TMEM117: variants seen among roughly 807,000 people sequenced by gnomAD.
TMEM117 encodes the protein transmembrane protein 117.
TMEM117 carries 27 observed loss-of-function variants against 52.4 expected under a neutral mutation model. The ratio of observed to expected loss-of-function variants is 0.51; its 90% CI spans 0.38 to 0.71. TMEM117 has a LOEUF of 0.71. TMEM117 is among the 30% of genes least tolerant of loss of function. The pLI, the probability that TMEM117 is intolerant of heterozygous loss-of-function variation, is 0.00. For synonymous variants in TMEM117, 215 were observed against 206.3 expected, an observed-to-expected ratio of 1.04 and a Z score of -0.36; for missense variants, 556 against 630.5, an observed-to-expected ratio of 0.88 and a Z score of 1.26.
chr12:43,975,134 A>T (rs1945652034), intron 3 of TMEM117, among the ~76,000 whole-genome samples: 1 of 152,158 alleles, frequency 6.6e-6, no homozygotes. Flanking sequence ...TTTGTCTTTA[A>T]GTTGTCACTA....
intron 5 of TMEM117, among the ~76,000 whole-genome samples, chr12:44,275,831 G>C (rs79931431): frequency 6.6e-6 from 1 of 151,916 alleles, no homozygotes; most frequent in African/African-American, 2.4e-5. Flanking sequence ...GGTGGGAATG[G>C]TTAATGGGTA....
intron 1 of TMEM117, among the ~76,000 whole-genome samples, chr12:43,842,217 G>A (rs1211015671): frequency 6.6e-6 from 1 of 152,074 alleles, no homozygotes; most frequent in Admixed American, 6.6e-5. Context: ...TGCTCTCTTT[G>A]ATGTGAGAGT....
intron 5 of TMEM117, among the ~76,000 whole-genome samples, chr12:44,228,971 G>C (rs948240338): frequency 1.3e-5 from 2 of 152,144 alleles, no homozygotes; most frequent in African/African-American, 4.8e-5. Context: ...ACAATAAACA[G>C]GGATCTGGGC....
chr12:43,821,947 T>G, the TMEM117 span, among the ~76,000 whole-genome samples: 3 of 152,254 alleles, frequency 2.0e-5, no homozygotes, highest in African/African-American at 4.8e-5. Flanking sequence ...AACACTATGT[T>G]GGGTGACCTA....
At chr12:44,020,017 C>T (rs1946432628) in intron 3 of TMEM117, among the ~76,000 whole-genome samples, 1 of 152,150 alleles carries the variant, frequency 6.6e-6, no homozygotes, top group Non-Finnish European at 1.5e-5. Context: ...CTCTGTGTAG[C>T]ATAGGGAATG....
intron 2 of TMEM117, among the ~76,000 whole-genome samples, chr12:43,869,265 T>C (rs1943663625): frequency 6.6e-6 from 1 of 152,194 alleles, no homozygotes; most frequent in South Asian, 2.1e-4. Flanking sequence ...TGGGGACTTG[T>C]AGCTGCCATC....
At chr12:43,961,756 A>G (rs1007903667) in intron 3 of TMEM117, among the ~76,000 whole-genome samples, 10 of 152,196 alleles carry the variant, frequency 6.6e-5, no homozygotes, top group Non-Finnish European at 1.3e-4. Context: ...TTCGTTATCT[A>G]GAGCCCATAC....
intron 5 of TMEM117, among the ~76,000 whole-genome samples, chr12:44,233,891 C>T (rs1282662122): frequency 6.6e-6 from 1 of 151,364 alleles, no homozygotes; most frequent in East Asian, 1.9e-4. Context: ...ATTAACAGTG[C>T]ATTTATGAAC....
intron 5 of TMEM117, among the ~76,000 whole-genome samples, chr12:44,211,727 A>AT (rs1949647716): frequency 6.6e-6 from 1 of 152,194 alleles, no homozygotes; most frequent in Non-Finnish European, 1.5e-5. Context: ...TGCCTAGTAT[A>AT]TTTGACAGGA....
At position 43,961,339 on chromosome 12, in the gene TMEM117, C is replaced by T. The variant is rs1032249005; in HGVS notation, c.410+16997C>T. On this transcript the variant is annotated intron_variant, in intron 3 of 7. Transcript: ENST00000266534. ...CTAATTTATGGCAATAATATTATTACGTTATCATGCAATTGTAATAGTTAT... is the reference window on the plus strand; with the variant it reads ...CTAATTTATGGCAATAATATTATTATGTTATCATGCAATTGTAATAGTTAT... 1.4e-4 allele frequency among the ~76,000 whole-genome samples: 22 copies of T among 152,178 alleles called. No individual in the cohort carries two copies. The East Asian group carries it at 2.7e-3, about 19-fold the overall frequency.
chr12:44,226,242 T>C (rs1195251402), intron 5 of TMEM117, among the ~76,000 whole-genome samples: 3 of 152,168 alleles, frequency 2.0e-5, no homozygotes, highest in Non-Finnish European at 1.5e-5. Context: ...TCTGTTCAGG[T>C]CTCATGGCCA....
chr12:44,015,644 G>A (rs1946363010), intron 3 of TMEM117, among the ~76,000 whole-genome samples: 1 of 152,154 alleles, frequency 6.6e-6, no homozygotes, highest in Non-Finnish European at 1.5e-5. Flanking sequence ...GTCCAAAAAT[G>A]TGCTTATAAA....
intron 2 of TMEM117, among the ~76,000 whole-genome samples, chr12:43,894,109 C>T (rs1352386033): frequency 6.6e-6 from 1 of 152,140 alleles, no homozygotes; most frequent in Admixed American, 6.5e-5. Context: ...AATCACAGGC[C>T]AGCTCAGATT....
intron 4 of TMEM117, among the ~76,000 whole-genome samples, chr12:44,201,898 A>T (rs932336655): frequency 6.6e-6 from 1 of 152,152 alleles, no homozygotes; most frequent in Admixed American, 6.5e-5. Flanking sequence ...ATAGTGTAAG[A>T]AAGTAAAATA....
intron 3 of TMEM117, among the ~76,000 whole-genome samples, chr12:43,956,941 G>A (rs771956681): frequency 6.6e-6 from 1 of 152,006 alleles, no homozygotes; most frequent in Non-Finnish European, 1.5e-5. Context: ...AAGAAAATGT[G>A]GTACATACAC....
At chr12:44,341,151 C>T (rs1388837072) in intron 6 of TMEM117, among the ~76,000 whole-genome samples, 1 of 151,976 alleles carries the variant, frequency 6.6e-6, no homozygotes, top group Non-Finnish European at 1.5e-5. Flanking sequence ...AGATACACAC[C>T]ACCATGCCCA....
intron 6 of TMEM117, among the ~76,000 whole-genome samples, chr12:44,360,605 T>C (rs1951708742): frequency 1.3e-5 from 2 of 151,910 alleles, no homozygotes; most frequent in Admixed American, 1.3e-4. Context: ...AATACTGGCT[T>C]TTAAAAACAT....
At chr12:43,896,474 T>A (rs1185687248) in intron 2 of TMEM117, among the ~76,000 whole-genome samples, 1 of 152,246 alleles carries the variant, frequency 6.6e-6, no homozygotes, top group South Asian at 2.1e-4. Flanking sequence ...GTGGTTGTCC[T>A]CAACTTGCTT....
rs1273409544 is a variant in TMEM117 at position 44,152,598 on chromosome 12, T to TATAAATTTATATACATAATATTTATATCA, written c.510+8977_510+8978insAATTTATATACATAATATTTATATCAATA. Among the ~76,000 whole-genome samples, 19 of 118,302 alleles carry TATAAATTTATATACATAATATTTATATCA rather than the reference T, an allele frequency of 1.6e-4. No homozygotes were observed. In the South Asian group the frequency reaches 3.3e-3, roughly 21 times the overall value. The allele number at this position is 118,302 out of a possible 152,430, so 77.6% of individuals were successfully genotyped here. A position where few individuals can be genotyped will look rare whatever the true frequency, so the allele number is the denominator to read the frequency against. ...ATTTATATATATAATATTTATATCA[T>TATAAATTTATATACATAATATTTATATCA]ATATAAATTTTTATATACATAATAT... On this transcript the variant is annotated intron_variant, in intron 4 of 7. Coordinates refer to ENST00000266534, the MANE Select transcript of TMEM117 (RefSeq NM_032256.3).
Sources: gnomAD v4.1 joint callset for allele counts (sites outside exome capture counted in the v4.1 genomes callset) on GRCh38, gnomAD v4.1.1 for gene constraint, MANE v1.5 for transcripts, NCBI Gene and HGNC (gene_info 2026-07-23, HGNC 2026-07-21) for gene names.